Variants in PEBP4 observed in about 807,000 individuals in gnomAD.
PEBP4 encodes phosphatidylethanolamine-binding protein 4.
In PEBP4, 22 loss-of-function variants were observed where a neutral mutation model predicts 23.9. The observed-to-expected ratio is 0.92, with a 90% CI of 0.66 to 1.31. PEBP4 has a LOEUF of 1.31. Among genes scored for constraint, PEBP4 ranks in the 40% most tolerant of loss-of-function variants. The pLI is 0.00. For synonymous variants in PEBP4, 112 were observed against 99.3 expected (o/e 1.13, Z -0.76); for missense variants, 324 against 281.7 (o/e 1.15, Z -1.07).
rs1473799844 is a variant in PEBP4, at chr8:22,724,957, C to G, written c.404-1G>C. 3 of 1,609,576 alleles carry G rather than the reference C, an allele frequency of 1.9e-6. No individual in the cohort carries two copies. Among genetic ancestry groups the G allele is most frequent in the Non-Finnish European group, 2.6e-6 (3 of 1,176,154 alleles). On this transcript the variant is annotated splice_acceptor_variant, in intron 5 of 6. Transcript: ENST00000256404. LOFTEE classifies it high-confidence loss of function. Reference sequence around the variant, plus strand: ...GCCGGTGGGGAGGGAGCCTGGTAGGCTATAGGTAGAAGCAGGAGAGAGGTG... The same window carrying G: ...GCCGGTGGGGAGGGAGCCTGGTAGGGTATAGGTAGAAGCAGGAGAGAGGTG...
intron 4 of PEBP4, among the ~76,000 whole-genome samples, chr8:22,764,630 T>C (rs1585260525): frequency 6.6e-6 from 1 of 152,082 alleles, no homozygotes; most frequent in South Asian, 2.1e-4. Flanking sequence ...AAGTGAAGTA[T>C]CATGGGACTA....
intron 3 of PEBP4, among the ~76,000 whole-genome samples, chr8:22,904,384 A>G (rs1368091989): frequency 6.6e-6 from 1 of 152,240 alleles, no homozygotes; most frequent in African/African-American, 2.4e-5. Context: ...CAGCACCAGC[A>G]TTAACCCTGC....
intron 5 of PEBP4, 85 bp downstream of exon 5, chr8:22,727,090 G>A (rs928328978): frequency 1.8e-5 from 27 of 1,473,408 alleles, no homozygotes; most frequent in African/African-American, 4.2e-5. Context: ...GCTAGCACAC[G>A]ACAAAGCAGC....
At chr8:22,740,581 G>C (rs1314847094) in intron 4 of PEBP4, among the ~76,000 whole-genome samples, 6 of 152,156 alleles carry the variant, frequency 3.9e-5, no homozygotes, top group African/African-American at 1.4e-4. Flanking sequence ...TGGGGTCTCT[G>C]GGCCAGGGAA....
intron 3 of PEBP4, among the ~76,000 whole-genome samples, chr8:22,822,355 G>GTT (rs1563227878): frequency 5.6e-5 from 1 of 17,740 alleles, no homozygotes; most frequent in African/African-American, 7.9e-5. Flanking sequence ...ATATACTAAA[G>GTT]TGTGTGTGTG....
chr8:22,882,185 A>G (rs1808273175), intron 3 of PEBP4, among the ~76,000 whole-genome samples: 1 of 152,154 alleles, frequency 6.6e-6, no homozygotes, highest in Non-Finnish European at 1.5e-5. Context: ...GATCCATCCT[A>G]TCACTTTTCA....
rs1241657884 is a variant in PEBP4, at chr8:22,865,383, CGG to C, written c.259-47650_259-47649del. On this transcript the variant is annotated intron_variant, in intron 3 of 6. Coordinates refer to ENST00000256404, the MANE Select transcript of PEBP4 (RefSeq NM_144962.3). The surrounding 1 kb of genome is among the most constrained non-coding windows in gnomAD (Gnocchi z 6.9). ...GCGGTGACGGTGGCGGTGGCGGTGG[CGG>C]CGGCGGGACCCCGGGCCTGGCTGCG... Among the ~76,000 whole-genome samples, 1 of 150,850 alleles carries C rather than the reference CGG, an allele frequency of 6.6e-6. No homozygotes were observed. The highest frequency in any genetic ancestry group is 6.6e-5 in the Admixed American group (1 of 15,142).
chr8:22,744,796 C>G (rs776563880), intron 4 of PEBP4: 1 of 152,162 alleles, frequency 6.6e-6, no homozygotes, highest in South Asian at 2.1e-4. Context: ...CAGTCCTGGA[C>G]CCGTATCCAG....
At chr8:22,857,241 TACACACACACACAC>T (rs35324307) in intron 3 of PEBP4, among the ~76,000 whole-genome samples, 4 of 148,126 alleles carry the variant, frequency 2.7e-5, no homozygotes, top group Admixed American at 1.3e-4. Flanking sequence ...AAATGAAACC[TACACACACACACAC>T]ACACACACAC....
intron 4 of PEBP4, among the ~76,000 whole-genome samples, chr8:22,806,530 GCTTGAAGC>G (rs1806496856): frequency 6.6e-6 from 1 of 151,108 alleles, no homozygotes; most frequent in Non-Finnish European, 1.5e-5. Flanking sequence ...CAGGAGAATT[GCTTGAAGC>G]CAGAAGGCGG....
At chr8:22,888,609 G>A (rs979986010) in intron 3 of PEBP4, among the ~76,000 whole-genome samples, 2 of 152,308 alleles carry the variant, frequency 1.3e-5, no homozygotes, top group East Asian at 1.9e-4. Context: ...CACTGGTACC[G>A]CATCCCCAGA....
chr8:22,893,639 T>C (rs1808538171), intron 3 of PEBP4, among the ~76,000 whole-genome samples: 1 of 152,154 alleles, frequency 6.6e-6, no homozygotes, highest in Non-Finnish European at 1.5e-5. Context: ...GAGATAACAA[T>C]TTCATTGTCT....
intron 4 of PEBP4, among the ~76,000 whole-genome samples, chr8:22,808,599 G>A (rs1443684179): frequency 6.6e-6 from 1 of 152,222 alleles, no homozygotes; most frequent in Non-Finnish European, 1.5e-5. Flanking sequence ...TCTGGGGGTG[G>A]TAGAGCAAGC....
At chr8:22,844,332 C>T (rs921028410) in intron 3 of PEBP4, among the ~76,000 whole-genome samples, 7 of 152,158 alleles carry the variant, frequency 4.6e-5, no homozygotes, top group African/African-American at 1.4e-4. Context: ...CTCTGCCTCC[C>T]GGGTTCAAGC....
intron 4 of PEBP4, among the ~76,000 whole-genome samples, chr8:22,810,344 T>C (rs917888161): frequency 1.2e-4 from 18 of 152,220 alleles, no homozygotes; most frequent in African/African-American, 4.3e-4. Context: ...GCATAAACAA[T>C]GCAAACAGAT....
intron 3 of PEBP4, among the ~76,000 whole-genome samples, chr8:22,875,847 C>T (rs17088660): frequency 0.033 from 5,074 of 152,158 alleles, 278 homozygotes; most frequent in African/African-American, 0.11. Context: ...TTGAGTCTTC[C>T]TTCTACCGGC....
At chr8:22,733,269 G>T (rs1804777442) in intron 4 of PEBP4, among the ~76,000 whole-genome samples, 1 of 152,222 alleles carries the variant, frequency 6.6e-6, no homozygotes, top group South Asian at 2.1e-4. Flanking sequence ...TATAGTCCAA[G>T]TCCGTGGGCG....
At position 22,774,606 on chromosome 8, in the gene PEBP4, C is replaced by T. The variant is rs148245948; in HGVS notation, c.357+43031G>A. On this transcript the variant is annotated intron_variant, in intron 4 of 6. Coordinates refer to ENST00000256404, the MANE Select transcript of PEBP4 (RefSeq NM_144962.3). Reference sequence around the variant, plus strand: ...AAAATCACCGATGGGGGGTAGGGGCCGAGTCCCCTCCACCTGGCAAACCCA... The same window carrying T: ...AAAATCACCGATGGGGGGTAGGGGCTGAGTCCCCTCCACCTGGCAAACCCA... Among the ~76,000 whole-genome samples, 170 of 152,240 alleles carry T rather than the reference C, an allele frequency of 1.1e-3. 1 individual carries two copies. The highest frequency in any genetic ancestry group is 2.9e-3 in the South Asian group (14 of 4,816).
Position 22,856,109 on chromosome 8 carries a change from A to G in PEBP4, c.259-38374T>C, listed in dbSNP as rs894166086. Among the ~76,000 whole-genome samples, 4 of 151,734 alleles carry G rather than the reference A, an allele frequency of 2.6e-5. No homozygotes were observed. The South Asian group carries it at 8.3e-4, about 31-fold the overall frequency. On this transcript the variant is annotated intron_variant, in intron 3 of 6. Transcript: ENST00000256404. Reference sequence around the variant, plus strand: ...AAAAAGCAAACAAAAGACCAAGAAGATATTTGTAACATATATGATGAAGGG... The same window carrying G: ...AAAAAGCAAACAAAAGACCAAGAAGGTATTTGTAACATATATGATGAAGGG...
Sources: allele counts gnomAD v4.1 joint callset (sites outside exome capture counted in the v4.1 genomes callset), GRCh38; gene constraint gnomAD v4.1.1; non-coding constraint Gnocchi (gnomAD v3.1); transcripts MANE v1.5; gene names NCBI Gene and HGNC (gene_info 2026-07-23, HGNC 2026-07-21).